Variants in EPHA6 observed in about 807,000 individuals in gnomAD.
EPHA6 encodes EPH receptor A6.
EPHA6 carries 50 observed loss-of-function variants against 112.0 expected under a neutral mutation model. The ratio of observed to expected loss-of-function variants is 0.45; its 90% CI spans 0.36 to 0.56. The LOEUF is 0.56. Ranked by LOEUF, EPHA6 falls within the 20% of genes least tolerant of loss-of-function variation. The pLI, the probability that EPHA6 is intolerant of heterozygous loss-of-function variation, is 0.00. For synonymous variants in EPHA6, 529 were observed against 490.7 expected, an observed-to-expected ratio of 1.08 and a Z score of -1.03; for missense variants, 1,280 against 1,417.4, an observed-to-expected ratio of 0.90 and a Z score of 1.56.
At chr3:97,580,691 A>G (rs1458541868) in intron 11 of EPHA6, among the ~76,000 whole-genome samples, 1 of 152,220 alleles carries the variant, frequency 6.6e-6, no homozygotes, top group Non-Finnish European at 1.5e-5. Flanking sequence ...AAACAGTCAT[A>G]AAGTCAGGCT....
intron 13 of EPHA6, among the ~76,000 whole-genome samples, chr3:97,632,519 A>T (rs2093912282): frequency 6.6e-6 from 1 of 151,900 alleles, no homozygotes; most frequent in Non-Finnish European, 1.5e-5. Flanking sequence ...GACTCCTAGC[A>T]CCTAGAATTA....
intron 11 of EPHA6, among the ~76,000 whole-genome samples, chr3:97,577,776 AATCTT>A (rs1291714439): frequency 6.6e-6 from 1 of 152,162 alleles, no homozygotes; most frequent in African/African-American, 2.4e-5. Flanking sequence ...TATCACTCTT[AATCTT>A]ATCTTTTCCG....
At chr3:97,682,413 T>C (rs564500347) in intron 14 of EPHA6, among the ~76,000 whole-genome samples, 1 of 152,270 alleles carries the variant, frequency 6.6e-6, no homozygotes, top group East Asian at 1.9e-4. Context: ...ATATCTAGAA[T>C]TGTTAGTATT....
intron 3 of EPHA6, among the ~76,000 whole-genome samples, chr3:97,159,565 C>T (rs2076366010): frequency 6.6e-6 from 1 of 152,060 alleles, no homozygotes; most frequent in Non-Finnish European, 1.5e-5. Flanking sequence ...ATATTGGATG[C>T]TGATTCAGAA....
At chr3:97,151,923 G>T (rs6763017) in intron 3 of EPHA6, among the ~76,000 whole-genome samples, 8,852 of 151,688 alleles carry the variant, frequency 0.058, 879 homozygotes, top group African/African-American at 0.2. Context: ...CATATTTAGC[G>T]TTTTTATTAA....
At chr3:97,230,688 C>T (rs931847356) in intron 4 of EPHA6, among the ~76,000 whole-genome samples, 2 of 152,090 alleles carry the variant, frequency 1.3e-5, no homozygotes, top group Non-Finnish European at 2.9e-5. Context: ...ACATGTACCT[C>T]GTGTATACAT....
intron 3 of EPHA6, among the ~76,000 whole-genome samples, chr3:97,073,305 C>T (rs1262901588): frequency 3.3e-5 from 5 of 152,092 alleles, no homozygotes; most frequent in African/African-American, 9.7e-5. Context: ...ATCAATGCCA[C>T]GTGAAATGAA....
chr3:97,504,029 T>G (rs2092187230), intron 10 of EPHA6, among the ~76,000 whole-genome samples: 1 of 152,244 alleles, frequency 6.6e-6, no homozygotes, highest in African/African-American at 2.4e-5. Flanking sequence ...TTTATACAGT[T>G]GTTTCCAAAA....
chr3:97,440,111 T>C (rs919755564), intron 6 of EPHA6, among the ~76,000 whole-genome samples: 6 of 152,122 alleles, frequency 3.9e-5, no homozygotes, highest in Non-Finnish European at 7.4e-5. Context: ...CGGATGCACA[T>C]TCAATAAGTA....
At chr3:97,493,168 G>A (rs1484302757) in intron 10 of EPHA6, among the ~76,000 whole-genome samples, 1 of 151,906 alleles carries the variant, frequency 6.6e-6, no homozygotes, top group African/African-American at 2.4e-5. Flanking sequence ...GTGTGTGTAT[G>A]TATACATACG....
intron 3 of EPHA6, among the ~76,000 whole-genome samples, chr3:97,010,979 CGT>C (rs139361398): frequency 6.6e-6 from 1 of 151,522 alleles, no homozygotes; most frequent in East Asian, 1.9e-4. Context: ...GTATGTGGTG[CGT>C]GTGTGTGTGT....
chr3:97,177,091 A>G (rs1001762415), intron 3 of EPHA6, among the ~76,000 whole-genome samples: 1 of 151,700 alleles, frequency 6.6e-6, no homozygotes, highest in Non-Finnish European at 1.5e-5. Context: ...TTATCATTTG[A>G]TAAAAGAATT....
chr3:97,446,458 T>C (rs1201261490), intron 6 of EPHA6, among the ~76,000 whole-genome samples: 1 of 152,194 alleles, frequency 6.6e-6, no homozygotes, highest in Non-Finnish European at 1.5e-5. Context: ...GAAGTTACTA[T>C]TTAGCTATGT....
chr3:97,235,263 G>GA (rs1241901776), intron 4 of EPHA6, among the ~76,000 whole-genome samples: 1 of 152,008 alleles, frequency 6.6e-6, no homozygotes, highest in Non-Finnish European at 1.5e-5. Flanking sequence ...GCATATAGTA[G>GA]ACACTAAGAA....
At position 96,814,755 on chromosome 3, in the gene EPHA6, G is replaced by A. The variant is rs1262616599; in HGVS notation, c.132G>A (p.Gly44=). The A allele has an allele frequency of 1.3e-6, 2 of 1,596,482 alleles. No individual in the cohort carries two copies. The highest frequency in any genetic ancestry group is 1.3e-5 in the African/African-American group (1 of 74,310). The part of the protein sequence containing the change: ...SCPVPGTSRR[G]RPGTPPAGRV... ...CTGTTCCCGGGACCTCGCGCAGGGGGCGCCCCGGGACACCCCCTGCGGGCC... is the reference window on the plus strand; with the variant it reads ...CTGTTCCCGGGACCTCGCGCAGGGGACGCCCCGGGACACCCCCTGCGGGCC... Residue 44 remains glycine (G), a synonymous_variant, in exon 1 of 18, where the codon GGG becomes GGA. Coordinates refer to ENST00000389672, the MANE Select transcript of EPHA6 (RefSeq NM_001080448.3).
At chr3:97,471,354 T>C (rs2091222971) in intron 7 of EPHA6, among the ~76,000 whole-genome samples, 2 of 151,760 alleles carry the variant, frequency 1.3e-5, no homozygotes, top group Non-Finnish European at 3.0e-5. Context: ...TAATTTCTTA[T>C]TCAGTGTCTG....
intron 10 of EPHA6, among the ~76,000 whole-genome samples, chr3:97,486,480 GCT>G (rs753456298): frequency 2.6e-5 from 4 of 152,120 alleles, no homozygotes; most frequent in Non-Finnish European, 5.9e-5. Flanking sequence ...GAGTTTTTAG[GCT>G]CAAGGTCCTG....
At chr3:97,016,024 A>G (rs1401761698) in intron 3 of EPHA6, among the ~76,000 whole-genome samples, 3 of 147,620 alleles carry the variant, frequency 2.0e-5, no homozygotes, top group African/African-American at 7.5e-5. Flanking sequence ...TCATTCTTCC[A>G]TTCTTCATTC....
chr3:97,549,705 G>A lies in EPHA6; in HGVS notation c.2386+17162G>A, dbSNP rs562979626. ...CACACCTGTAGTCCCAGCTACTCAG[G>A]AGGCTGAGGCAGGAGAAAAACTGGA... On this transcript the variant is annotated intron_variant, in intron 11 of 17. Coordinates refer to ENST00000389672, the MANE Select transcript of EPHA6 (RefSeq NM_001080448.3). Among the ~76,000 whole-genome samples the A allele has an allele frequency of 1.8e-3, 276 of 152,178 alleles. 1 individual carries two copies. The highest frequency in any genetic ancestry group is 6.4e-3 in the African/African-American group (264 of 41,516).
Sources: allele counts gnomAD v4.1 joint callset (sites outside exome capture counted in the v4.1 genomes callset), GRCh38; gene constraint gnomAD v4.1.1; transcripts MANE v1.5; gene names NCBI Gene and HGNC (gene_info 2026-07-23, HGNC 2026-07-21).